The following TENM3 variants were observed in gnomAD, a reference collection of about 807,000 sequenced individuals.
The protein encoded by TENM3 is teneurin transmembrane protein 3.
Under a neutral mutation model 255.1 loss-of-function variants are expected in TENM3, and 63 were observed. The ratio of observed to expected loss-of-function variants is 0.25; its 90% CI spans 0.20 to 0.30. The LOEUF is 0.30. Ranked by LOEUF, TENM3 falls within the 10% of genes least tolerant of loss-of-function variation. The pLI is 1.00. For synonymous variants in TENM3, 1,306 were observed against 1,322.3 expected (o/e 0.99, Z 0.27); for missense variants, 2,929 against 3,461.1 (o/e 0.85, Z 3.86).
At chr4:181,563,885 C>T in the TENM3 span, among the ~76,000 whole-genome samples, 5 of 152,212 alleles carry the variant, frequency 3.3e-5, no homozygotes, top group African/African-American at 7.2e-5. Flanking sequence ...CTATTTACTC[C>T]CTGTATTTTC....
At chr4:182,498,458 G>C (rs367907011) in intron 3 of TENM3, among the ~76,000 whole-genome samples, 1 of 151,820 alleles carries the variant, frequency 6.6e-6, no homozygotes, top group African/African-American at 2.4e-5. Flanking sequence ...CTCTAATTAG[G>C]TTTCACCGAG....
At chr4:182,052,708 C>T in the TENM3 span, among the ~76,000 whole-genome samples, 2 of 152,130 alleles carry the variant, frequency 1.3e-5, no homozygotes, top group African/African-American at 4.8e-5. Context: ...TCAGTCATCA[C>T]AGGATCACAG....
the TENM3 span, among the ~76,000 whole-genome samples, chr4:181,608,762 T>C: frequency 9.2e-5 from 14 of 152,306 alleles, no homozygotes; most frequent in South Asian, 2.5e-3. Flanking sequence ...CTTTGCTTTT[T>C]AATTTTAAAG....
At chr4:182,131,310 G>A in the TENM3 span, among the ~76,000 whole-genome samples, 8 of 152,078 alleles carry the variant, frequency 5.3e-5, no homozygotes, top group Non-Finnish European at 8.8e-5. Context: ...AATACGTTTC[G>A]CCACACTACT....
At chr4:182,481,567 G>T (rs1734206087) in intron 3 of TENM3, among the ~76,000 whole-genome samples, 1 of 152,220 alleles carries the variant, frequency 6.6e-6, no homozygotes, top group South Asian at 2.1e-4. Flanking sequence ...GGCCGAAGCA[G>T]ACGGATTGCC....
At chr4:182,664,195 A>G (rs946116394) in intron 6 of TENM3, among the ~76,000 whole-genome samples, 8 of 152,182 alleles carry the variant, frequency 5.3e-5, no homozygotes, top group African/African-American at 1.9e-4. Context: ...CATTTTTCCA[A>G]CAGCATGTGC....
chr4:181,804,579 G>A, the TENM3 span, among the ~76,000 whole-genome samples: 1 of 152,174 alleles, frequency 6.6e-6, no homozygotes, highest in South Asian at 2.1e-4. Context: ...GAATAAACAA[G>A]ATGTTGAAAT....
intron 1 of TENM3, among the ~76,000 whole-genome samples, chr4:182,201,395 C>T (rs1754176058): frequency 6.6e-6 from 1 of 152,098 alleles, no homozygotes; most frequent in South Asian, 2.1e-4. Flanking sequence ...GTAAAACAGA[C>T]ACATTTTCGA....
chr4:182,386,138 A>G (rs1767899721), intron 3 of TENM3, among the ~76,000 whole-genome samples: 1 of 152,256 alleles, frequency 6.6e-6, no homozygotes, highest in South Asian at 2.1e-4. Context: ...CATGCACTCA[A>G]TTAGAATTCG....
chr4:182,687,225 TA>T (rs1255918440), intron 11 of TENM3, among the ~76,000 whole-genome samples: 1 of 152,190 alleles, frequency 6.6e-6, no homozygotes, highest in Non-Finnish European at 1.5e-5. Context: ...AAACCAAAAC[TA>T]ATCAATAGTC....
rs529415786 is a variant in TENM3, at chr4:182,337,891, T to G, written c.233-8760T>G. On this transcript the variant is annotated intron_variant, in intron 2 of 27. Coordinates refer to ENST00000511685, the MANE Select transcript of TENM3 (RefSeq NM_001080477.4). Reference sequence around the variant, plus strand: ...AAAAGGATCCTGAGTACATCCTGTATGACTCCATTTATATAAGGTTCAAGA... The same window carrying G: ...AAAAGGATCCTGAGTACATCCTGTAGGACTCCATTTATATAAGGTTCAAGA... Among the ~76,000 whole-genome samples the G allele has an allele frequency of 2.0e-5, 3 of 152,326 alleles. No homozygotes were observed. In the East Asian group the frequency reaches 5.8e-4, roughly 29 times the overall value.
chr4:181,992,803 T>C, the TENM3 span, among the ~76,000 whole-genome samples: 3 of 151,984 alleles, frequency 2.0e-5, no homozygotes, highest in Non-Finnish European at 4.4e-5. Context: ...ATGGGAGAAA[T>C]GCAAACCTGT....
chr4:181,513,127 G>T, the TENM3 span, among the ~76,000 whole-genome samples: 1 of 152,180 alleles, frequency 6.6e-6, no homozygotes, highest in East Asian at 1.9e-4. Flanking sequence ...ATTCCTCTGA[G>T]ACTTTTTTTG....
the TENM3 span, among the ~76,000 whole-genome samples, chr4:182,123,828 T>G: frequency 2.0e-5 from 3 of 152,176 alleles, no homozygotes; most frequent in Non-Finnish European, 4.4e-5. Flanking sequence ...ATATGTGATT[T>G]CTGCAAAGCA....
the TENM3 span, among the ~76,000 whole-genome samples, chr4:181,593,475 T>C: frequency 3.9e-5 from 6 of 152,216 alleles, no homozygotes; most frequent in Non-Finnish European, 5.9e-5. Context: ...AAGGCAACGC[T>C]GCTTTGTTAG....
the TENM3 span, among the ~76,000 whole-genome samples, chr4:181,583,777 C>T: frequency 6.6e-6 from 1 of 152,220 alleles, no homozygotes; most frequent in Admixed American, 6.5e-5. Flanking sequence ...CGTTCAGACA[C>T]ACACAAACTC....
the TENM3 span, among the ~76,000 whole-genome samples, chr4:181,984,706 C>A: frequency 4.0e-5 from 6 of 151,724 alleles, no homozygotes; most frequent in Admixed American, 1.3e-4. Flanking sequence ...ATTACTGTGA[C>A]ATTAATGTAC....
the TENM3 span, among the ~76,000 whole-genome samples, chr4:181,568,290 A>G: frequency 1.3e-5 from 2 of 151,086 alleles, no homozygotes; most frequent in Admixed American, 1.3e-4. Flanking sequence ...CAGCCTCCCG[A>G]GTAGCTGAGA....
intron 24 of TENM3, among the ~76,000 whole-genome samples, chr4:182,783,944 G>A (rs924197045): frequency 7.2e-5 from 11 of 152,034 alleles, no homozygotes; most frequent in African/African-American, 2.7e-4. Context: ...GGTTATTCTA[G>A]TTATACATTC....
Sources: gnomAD v4.1 joint callset for allele counts (sites outside exome capture counted in the v4.1 genomes callset) on GRCh38, gnomAD v4.1.1 for gene constraint, MANE v1.5 for transcripts, NCBI Gene and HGNC (gene_info 2026-07-23, HGNC 2026-07-21) for gene names.